The following RBFOX1 variants were observed in gnomAD, a reference collection of about 807,000 sequenced individuals.
RBFOX1 encodes RNA binding fox-1 homolog 1, also known as RNA binding protein fox-1 homolog 1.
RBFOX1 carries 8 observed loss-of-function variants against 57.7 expected under a neutral mutation model. The observed-to-expected ratio is 0.14, with a 90% CI of 0.08 to 0.25. The LOEUF (loss-of-function observed/expected upper bound fraction) is 0.25. RBFOX1 is among the 10% of genes least tolerant of loss of function. The probability of loss-of-function intolerance (pLI) is 1.00; values close to 1 mark genes in which losing one functional copy is unlikely to be tolerated. For missense variants in RBFOX1, 611 were observed against 548.5 expected (o/e 1.11, Z -1.14); for synonymous variants, 326 against 222.4 (o/e 1.47, Z -4.15).
chr16:7,386,050 A>C (rs2097873530), intron 4 of RBFOX1, among the ~76,000 whole-genome samples: 1 of 151,762 alleles, frequency 6.6e-6, no homozygotes, highest in Non-Finnish European at 1.5e-5. Context: ...CAGCCTCCCA[A>C]AGTGCTGGGA....
At chr16:6,477,694 C>A (rs1264408226) in intron 2 of RBFOX1, among the ~76,000 whole-genome samples, 2 of 152,134 alleles carry the variant, frequency 1.3e-5, no homozygotes, top group Non-Finnish European at 2.9e-5. Flanking sequence ...GTCAGCTTGT[C>A]CTTTGAAGCT....
chr16:6,537,190 G>A (rs940577552), intron 2 of RBFOX1, among the ~76,000 whole-genome samples: 4 of 152,128 alleles, frequency 2.6e-5, no homozygotes, highest in Admixed American at 2.6e-4. Flanking sequence ...TCGTAGGTCT[G>A]GGTGGAGCCT....
chr16:7,706,093 C>T (rs748771530), intron 14 of RBFOX1, among the ~76,000 whole-genome samples: 43 of 152,250 alleles, frequency 2.8e-4, no homozygotes, highest in African/African-American at 7.9e-4. Flanking sequence ...AGATTGCTGA[C>T]GTGCTTGGCA....
intron 3 of RBFOX1, among the ~76,000 whole-genome samples, chr16:6,882,097 G>T (rs2063061184): frequency 6.6e-6 from 1 of 152,150 alleles, no homozygotes; most frequent in Non-Finnish European, 1.5e-5. Flanking sequence ...ATTCCCTGCA[G>T]GTTAAGATGT....
At chr16:7,457,482 C>G (rs771310405) in intron 4 of RBFOX1, among the ~76,000 whole-genome samples, 1 of 152,134 alleles carries the variant, frequency 6.6e-6, no homozygotes. Flanking sequence ...TATGCCTTGC[C>G]TTGCATTCTT....
chr16:6,719,272 T>C (rs2065455123), intron 3 of RBFOX1, among the ~76,000 whole-genome samples: 1 of 151,628 alleles, frequency 6.6e-6, no homozygotes, highest in Non-Finnish European at 1.5e-5. Flanking sequence ...ATACTAGGAT[T>C]CAATATTCAA....
intron 4 of RBFOX1, among the ~76,000 whole-genome samples, chr16:7,446,940 G>T (rs1280545458): frequency 6.7e-6 from 1 of 149,162 alleles, no homozygotes; most frequent in African/African-American, 2.5e-5. Context: ...AGCCTCCCAA[G>T]TAGCTGGGAC....
At chr16:5,824,237 T>A (rs978205905) in intron 3 of RBFOX1, among the ~76,000 whole-genome samples, 1 of 152,202 alleles carries the variant, frequency 6.6e-6, no homozygotes, top group African/African-American at 2.4e-5. Flanking sequence ...CTGCGCCAGG[T>A]CCCTGTTATT....
chr16:5,731,050 C>G (rs2052351328), intron 3 of RBFOX1, among the ~76,000 whole-genome samples: 4 of 148,470 alleles, frequency 2.7e-5, no homozygotes, highest in Admixed American at 2.7e-4. Flanking sequence ...ATCACCACTG[C>G]CATTGTCACC....
intron 3 of RBFOX1, among the ~76,000 whole-genome samples, chr16:6,772,473 A>T (rs1047159004): frequency 1.6e-5 from 2 of 128,956 alleles, no homozygotes; most frequent in Non-Finnish European, 3.4e-5. Context: ...GTGCATTTGT[A>T]TGTGTATGTG....
chr16:6,382,715 C>G (rs911401832), intron 2 of RBFOX1, among the ~76,000 whole-genome samples: 28 of 152,070 alleles, frequency 1.8e-4, no homozygotes, highest in African/African-American at 6.3e-4. Flanking sequence ...CAAAAATCAG[C>G]CAGATGTGGT....
intron 4 of RBFOX1, among the ~76,000 whole-genome samples, chr16:5,933,733 A>G (rs1289552469): frequency 1.3e-5 from 2 of 151,056 alleles, no homozygotes; most frequent in African/African-American, 2.4e-5. Context: ...TAATGAGCTC[A>G]GTGTTTTTAA....
intron 3 of RBFOX1, among the ~76,000 whole-genome samples, chr16:6,921,642 TATA>T (rs774533830): frequency 0.061 from 1,115 of 18,406 alleles, 20 homozygotes; most frequent in East Asian, 0.16. Flanking sequence ...TATATATATA[TATA>T]TTTTTTTTTT....
Position 6,410,782 on chromosome 16 carries a change from G to T in RBFOX1, c.-64+93725G>T, listed in dbSNP as rs576483928. On this transcript the variant is annotated intron_variant, in intron 2 of 15. Coordinates refer to ENST00000550418, the MANE Select transcript of RBFOX1 (RefSeq NM_018723.4). ...AATGCCATGAGAATCAGTGGAACAT[G>T]CTGTGTAGGCTGTTGGAGTGGAAAC... Among the ~76,000 whole-genome samples the T allele has an allele frequency of 4.1e-4, 62 of 152,338 alleles. No individual in the cohort carries two copies. In the South Asian group the frequency reaches 0.012, roughly 30 times the overall value.
rs1555561496 is a variant in RBFOX1, at chr16:7,534,087, T to TTTC, written c.270+15700_270+15701insCTT. On this transcript the variant is annotated intron_variant, in intron 5 of 15. Transcript: ENST00000550418. ...GTCAAAGGTCCCAACGTTTTTTTTC[T>TTTC]TTTTTTTTTTTTTTTGGACATGCAG... Among the ~76,000 whole-genome samples, 4 of 33,132 alleles carry TTTC rather than the reference T, an allele frequency of 1.2e-4. No homozygotes were observed. The Non-Finnish European group carries it at 1.3e-3, about 11-fold the overall frequency. 21.7% of individuals were successfully genotyped at this position (33,132 alleles called of 152,430 possible).
intron 4 of RBFOX1, among the ~76,000 whole-genome samples, chr16:7,493,409 A>G (rs191878802): frequency 6.6e-6 from 1 of 152,354 alleles, no homozygotes; most frequent in East Asian, 1.9e-4. Context: ...ATCTGTCCAC[A>G]TCATAATCAC....
chr16:6,560,085 A>T (rs74008211), intron 2 of RBFOX1, among the ~76,000 whole-genome samples: 8,881 of 151,448 alleles, frequency 0.059, 807 homozygotes, highest in African/African-American at 0.2. Context: ...AAGAAGAAGG[A>T]TATATAACCA....
intron 1 of RBFOX1, among the ~76,000 whole-genome samples, chr16:5,415,132 C>T (rs983893478): frequency 6.6e-6 from 1 of 152,150 alleles, no homozygotes; most frequent in Non-Finnish European, 1.5e-5. Flanking sequence ...TCACGCTGTT[C>T]TAAAGATACT....
Position 6,819,747 on chromosome 16 carries a change from G to T in RBFOX1, c.-16+165097G>T, listed in dbSNP as rs536171205. 1.4e-3 allele frequency among the ~76,000 whole-genome samples: 192 copies of T among 137,428 alleles called. 1 individual carries two copies. The highest frequency in any genetic ancestry group is 5.3e-3 in the African/African-American group (187 of 35,326). 90.2% of individuals were successfully genotyped at this position (137,428 alleles called of 152,430 possible). A position where few individuals can be genotyped will look rare whatever the true frequency, so the allele number is the denominator to read the frequency against. ...AAAAAAAAAATAACAACACCAAAAG[G>T]TATATAGTATAACAGGTATTAAAAT... On this transcript the variant is annotated intron_variant, in intron 3 of 15. Transcript: ENST00000550418.
Sources: allele counts gnomAD v4.1 joint callset (sites outside exome capture counted in the v4.1 genomes callset), GRCh38; gene constraint gnomAD v4.1.1; transcripts MANE v1.5; gene names NCBI Gene and HGNC (gene_info 2026-07-23, HGNC 2026-07-21).